Variants in ERO1B observed in about 807,000 individuals in gnomAD.
The protein encoded by ERO1B is endoplasmic reticulum oxidoreductase 1 beta.
A neutral mutation model predicts 75.3 loss-of-function variants in ERO1B; 49 were observed. The observed-to-expected ratio is 0.65, with a 90% CI of 0.52 to 0.83. The LOEUF (loss-of-function observed/expected upper bound fraction) is 0.83, where lower values mean the gene tolerates loss of function less well. Among genes scored for constraint, ERO1B ranks in the 40% least tolerant of loss-of-function variants. ERO1B has a pLI of 0.00. For missense variants in ERO1B, 512 were observed against 560.1 expected, an observed-to-expected ratio of 0.91 and a Z score of 0.87; for synonymous variants, 191 against 192.9, an observed-to-expected ratio of 0.99 and a Z score of 0.08.
chr1:236,255,095 T>C (rs35546733), intron 2 of ERO1B, among the ~76,000 whole-genome samples: 36,938 of 150,510 alleles, frequency 0.25, 4,685 homozygotes, highest in East Asian at 0.38. Context: ...TAATTTTTTT[T>C]TTCTTTCTTT....
chr1:236,229,821 G>T (rs999862259), intron 10 of ERO1B, among the ~76,000 whole-genome samples: 3 of 152,020 alleles, frequency 2.0e-5, no homozygotes, highest in African/African-American at 7.2e-5. Context: ...AATATGTTTC[G>T]AATCTTTTGA....
In ERO1B at chr1:236,281,944, C is replaced by T; in HGVS notation, c.-161G>A. ...AGGCAGGCGACTCTTTCCCCAACAC[C>T]CGGCAGCTGCGAGTGAGGCAGGAAA... is the stretch of plus-strand genomic sequence containing the variant. On this transcript the variant is annotated 5_prime_UTR_variant, in exon 1 of 16. Transcript: ENST00000354619. 2.3e-6 allele frequency: 1 copy of T among 427,390 alleles called. No individual in the cohort carries two copies. The highest frequency in any genetic ancestry group is 4.0e-6 in the Non-Finnish European group (1 of 252,004). 26.5% of individuals were successfully genotyped at this position (427,390 alleles called of 1,614,324 possible). A position where few individuals can be genotyped will look rare whatever the true frequency, so the allele number is the denominator to read the frequency against.
chr1:236,221,941 A>T lies in ERO1B; in HGVS notation c.1192T>A (p.Leu398Ile), dbSNP rs753908469. 1.2e-6 allele frequency: 2 copies of T among 1,613,440 alleles called. No homozygotes were observed. The change falls in exon 14 of 16, where the codon TTA becomes ATA. Residue 398 changes from leucine to isoleucine, a missense_variant. By Grantham distance (5) the Leu-to-Ile change is conservative. Transcript: ENST00000354619. The part of the protein sequence containing the change: ...MDCVGCDKCR[L>I]WGKLQTQGLG... ...ACATATACCTGTAATTTTCCCCATA[A>T]TCTGCATTTGTCACATCCAACACAG...
intron 2 of ERO1B, among the ~76,000 whole-genome samples, chr1:236,256,393 C>A (rs1166846022): frequency 6.6e-6 from 1 of 152,116 alleles, no homozygotes; most frequent in Non-Finnish European, 1.5e-5. Context: ...ACACTCTGCA[C>A]CTCCTTCCCT....
rs1664009605 is a variant in ERO1B, at chr1:236,217,151, G to A, written c.*1365C>T. ...ATGAACACATTTCAGACTTTGACAG[G>A]ATAAAATATGGATTTAAGAGCACTT... On this transcript the variant is annotated 3_prime_UTR_variant, in exon 16 of 16. Coordinates refer to ENST00000354619, the MANE Select transcript of ERO1B (RefSeq NM_019891.4). 6.6e-6 allele frequency: 1 copy of A among 151,874 alleles called. No individual in the cohort carries two copies. Among genetic ancestry groups the A allele is most frequent in the Admixed American group, 6.6e-5 (1 of 15,242 alleles). 9.4% of individuals were successfully genotyped at this position (151,874 alleles called of 1,614,324 possible).
At position 236,239,857 on chromosome 1, in the gene ERO1B, A is replaced by ATATTTATATATATATG. The variant is rs771310245; in HGVS notation, c.506-3460_506-3459insCATATATATATAAATA. Among the ~76,000 whole-genome samples the ATATTTATATATATATG allele has an allele frequency of 7.6e-5, 3 of 39,734 alleles. 1 individual carries two copies. The highest frequency in any genetic ancestry group is 1.5e-4 in the Non-Finnish European group (3 of 20,084). The allele number at this position is 39,734 out of a possible 152,430, so 26.1% of individuals were successfully genotyped here. On this transcript the variant is annotated intron_variant, in intron 6 of 15. Transcript: ENST00000354619. The stretch of plus-strand genomic sequence containing the variant: ...TATGTGTATATATATATGTGTATAT[A>ATATTTATATATATATG]TGTATATATATATGTGTATATGTGT...
intron 1 of ERO1B, among the ~76,000 whole-genome samples, chr1:236,277,165 A>C (rs1320539419): frequency 6.6e-6 from 1 of 152,226 alleles, no homozygotes; most frequent in Admixed American, 6.5e-5. Context: ...GCACTTTGGG[A>C]GGCCAAGGCA....
rs566934787 is a variant in ERO1B at position 236,280,538 on chromosome 1, GA to G, written c.102+1143del. 2.9e-3 allele frequency among the ~76,000 whole-genome samples: 445 copies of G among 152,238 alleles called. 1 individual carries two copies. The highest frequency in any genetic ancestry group is 0.01 in the Middle Eastern group (3 of 292). On this transcript the variant is annotated intron_variant, in intron 1 of 15. Coordinates refer to ENST00000354619, the MANE Select transcript of ERO1B (RefSeq NM_019891.4). ...CAATACATGTGGAGGTAGGGCCAGA[GA>G]ATCTGCATTTTAACATGTTCCCCAA...
At chr1:236,263,752 AT>A (rs1665345667) in intron 2 of ERO1B, among the ~76,000 whole-genome samples, 1 of 131,918 alleles carries the variant, frequency 7.6e-6, no homozygotes, top group Admixed American at 7.3e-5. Flanking sequence ...TTTATCGCTA[AT>A]ATATTTTTTG....
At chr1:236,231,543 C>T (rs571054530) in intron 9 of ERO1B, among the ~76,000 whole-genome samples, 1 of 144,766 alleles carries the variant, frequency 6.9e-6, no homozygotes, top group Non-Finnish European at 1.5e-5. Context: ...CTGTAACCTT[C>T]TTCTGAGTTG....
intron 13 of ERO1B, 89 bp downstream of exon 13, chr1:236,224,981 A>G: frequency 8.3e-7 from 1 of 1,208,706 alleles, no homozygotes; most frequent in Non-Finnish European, 1.2e-6. Flanking sequence ...AAGCTGGAAA[A>G]CTGGGAAAGA....
chr1:236,245,370 GTATA>G (rs1179476445), intron 5 of ERO1B, among the ~76,000 whole-genome samples: 1 of 41,916 alleles, frequency 2.4e-5, no homozygotes, highest in African/African-American at 7.4e-5. Context: ...ATATATATAC[GTATA>G]TATATACACA....
At chr1:236,277,406 GAAAAA>G (rs1385146361) in intron 1 of ERO1B, among the ~76,000 whole-genome samples, 1 of 116,912 alleles carries the variant, frequency 8.6e-6, no homozygotes, top group Admixed American at 8.9e-5. Flanking sequence ...TCTACTCCAG[GAAAAA>G]AAAAAAAAAA....
chr1:236,249,270 C>A (rs1183491616), intron 5 of ERO1B, among the ~76,000 whole-genome samples: 1 of 152,148 alleles, frequency 6.6e-6, no homozygotes, highest in African/African-American at 2.4e-5. Flanking sequence ...AGGTGATCTG[C>A]CCACTTCAGC....
chr1:236,256,000 C>T (rs371060745), intron 2 of ERO1B, among the ~76,000 whole-genome samples: 14 of 152,230 alleles, frequency 9.2e-5, no homozygotes, highest in South Asian at 8.3e-4. Context: ...CTCTAACAAG[C>T]CAGTATCTGG....
chr1:236,256,937 A>G (rs931595599), intron 2 of ERO1B, among the ~76,000 whole-genome samples: 3 of 152,206 alleles, frequency 2.0e-5, no homozygotes, highest in Admixed American at 6.5e-5. Context: ...GTCACCAGTT[A>G]GATCAAGAAT....
At chr1:236,250,081 C>G in intron 4 of ERO1B, 114 bp from the exon 5 acceptor site, 1 of 556,416 alleles carries the variant, frequency 1.8e-6, no homozygotes, top group Non-Finnish European at 2.9e-6. Context: ...TACATACATT[C>G]CATTATAAAA....
chr1:236,274,287 T>A (rs1218819056), intron 1 of ERO1B, among the ~76,000 whole-genome samples: 1 of 152,150 alleles, frequency 6.6e-6, no homozygotes, highest in African/African-American at 2.4e-5. Flanking sequence ...CCAGCCCATA[T>A]CCTCATCAAT....
chr1:236,250,478 AT>A (rs1664989345), intron 4 of ERO1B, among the ~76,000 whole-genome samples: 1 of 151,284 alleles, frequency 6.6e-6, no homozygotes, highest in Non-Finnish European at 1.5e-5. Context: ...TCTCAAAAAA[AT>A]AAATAAAAAT....
Sources: allele counts gnomAD v4.1 joint callset (sites outside exome capture counted in the v4.1 genomes callset), GRCh38; gene constraint gnomAD v4.1.1; transcripts MANE v1.5; gene names NCBI Gene and HGNC (gene_info 2026-07-23, HGNC 2026-07-21).